SNTG2: variants seen among roughly 807,000 people sequenced by gnomAD.
The protein encoded by SNTG2 is syntrophin gamma 2, also known as gamma-2-syntrophin.
In SNTG2, 74 loss-of-function variants were observed where a neutral mutation model predicts 70.9. The observed-to-expected ratio is 1.04, with a 90% confidence interval of 0.86 to 1.27. The LOEUF is 1.27. SNTG2 is among the 50% of genes most tolerant of loss of function. The pLI is 0.00. For synonymous variants in SNTG2, 278 were observed against 273.8 expected (o/e 1.02, Z -0.15); for missense variants, 717 against 690.7 (o/e 1.04, Z -0.43).
chr2:970,226 G>T (rs1660692591), intron 1 of SNTG2, among the ~76,000 whole-genome samples: 2 of 152,140 alleles, frequency 1.3e-5, no homozygotes, highest in Non-Finnish European at 2.9e-5. Flanking sequence ...TAATTGTGTG[G>T]ATAAGCTTTT....
intron 9 of SNTG2, among the ~76,000 whole-genome samples, chr2:1,234,569 G>C (rs965434348): frequency 5.3e-5 from 8 of 152,194 alleles, no homozygotes; most frequent in Admixed American, 1.3e-4. Flanking sequence ...CCAGCTCAGA[G>C]GTGAGATGTC....
At chr2:1,293,157 C>CTTTTTTTTTTT (rs71400092) in intron 14 of SNTG2, among the ~76,000 whole-genome samples, 6 of 130,964 alleles carry the variant, frequency 4.6e-5, no homozygotes, top group African/African-American at 8.4e-5. Flanking sequence ...TACTCTGTTA[C>CTTTTTTTTTTT]TTTTTTTTTT....
intron 14 of SNTG2, among the ~76,000 whole-genome samples, chr2:1,286,334 A>G (rs1212942346): frequency 1.3e-5 from 2 of 152,196 alleles, no homozygotes; most frequent in African/African-American, 2.4e-5. Flanking sequence ...CAGAGCATAC[A>G]TGGTCTTCTG....
At chr2:1,332,402 A>T (rs141263078) in intron 16 of SNTG2, among the ~76,000 whole-genome samples, 1 of 152,320 alleles carries the variant, frequency 6.6e-6, no homozygotes, top group African/African-American at 2.4e-5. Flanking sequence ...ATAGAGAAAG[A>T]CGGAATCCTC....
chr2:1,047,146 A>G (rs1661785580), intron 1 of SNTG2, among the ~76,000 whole-genome samples: 1 of 152,138 alleles, frequency 6.6e-6, no homozygotes. Flanking sequence ...TCTGCTGTTA[A>G]TACTCCTGAT....
chr2:1,057,467 A>T (rs1217021336), intron 1 of SNTG2, among the ~76,000 whole-genome samples: 2 of 152,178 alleles, frequency 1.3e-5, no homozygotes, highest in South Asian at 4.1e-4. Flanking sequence ...CAAGGAAGCC[A>T]GTTCGAGTCC....
intron 1 of SNTG2, 138 bp from the exon 2 acceptor site, chr2:1,083,380 T>C (rs975568069): frequency 5.7e-6 from 4 of 699,228 alleles, no homozygotes; most frequent in Non-Finnish European, 9.2e-6. Context: ...TCCTTATCGG[T>C]TGAGCACAGA....
intron 1 of SNTG2, among the ~76,000 whole-genome samples, chr2:1,074,835 T>C (rs1663813562): frequency 6.6e-6 from 1 of 152,234 alleles, no homozygotes; most frequent in Admixed American, 6.5e-5. Context: ...TAAACAAGTC[T>C]ATGTTAAGTA....
chr2:1,281,612 C>T (rs964144732), intron 14 of SNTG2, among the ~76,000 whole-genome samples: 12 of 151,826 alleles, frequency 7.9e-5, no homozygotes, highest in African/African-American at 2.9e-4. Context: ...ACACGTGTCC[C>T]GGACAGCAGA....
intron 8 of SNTG2, among the ~76,000 whole-genome samples, chr2:1,194,794 G>A (rs1016984138): frequency 1.3e-5 from 2 of 152,038 alleles, no homozygotes; most frequent in Admixed American, 6.6e-5. Context: ...TTGTTACATA[G>A]GTATACACGT....
chr2:1,186,726 T>A (rs1015591448), intron 8 of SNTG2, among the ~76,000 whole-genome samples: 1 of 152,194 alleles, frequency 6.6e-6, no homozygotes, highest in Non-Finnish European at 1.5e-5. Context: ...TCTGCCCTCA[T>A]GATCTGATCA....
Position 1,367,204 on chromosome 2 carries a change from A to G in SNTG2, c.1489-139A>G, listed in dbSNP as rs9751895. On this transcript the variant is annotated intron_variant, in intron 16 of 16. Coordinates refer to ENST00000308624, the MANE Select transcript of SNTG2 (RefSeq NM_018968.4). ...CATGTTACTCTGCCTTTTACTTTAAACCATACATATTTCCTGTCTATTATT... is the reference window on the plus strand; with the variant it reads ...CATGTTACTCTGCCTTTTACTTTAAGCCATACATATTTCCTGTCTATTATT... 0.022 allele frequency: 17,336 copies of G among 785,442 alleles called. 1,801 individuals carry two copies. In the African/African-American group the frequency reaches 0.25, roughly 11 times the overall value. 48.7% of individuals were successfully genotyped at this position (785,442 alleles called of 1,614,324 possible).
intron 12 of SNTG2, chr2:1,256,563 G>C (rs138127511): frequency 5.3e-5 from 8 of 152,206 alleles, no homozygotes; most frequent in Middle Eastern, 3.5e-3. Flanking sequence ...ATTTTCTAGA[G>C]CTATAACTCG....
At chr2:1,207,749 C>T (rs925221999) in intron 8 of SNTG2, among the ~76,000 whole-genome samples, 1 of 152,154 alleles carries the variant, frequency 6.6e-6, no homozygotes, top group Non-Finnish European at 1.5e-5. Context: ...AACCGCCCCC[C>T]GTCTCCTCTC....
intron 14 of SNTG2, among the ~76,000 whole-genome samples, chr2:1,284,285 T>C (rs1679679281): frequency 6.6e-6 from 1 of 152,238 alleles, no homozygotes; most frequent in South Asian, 2.1e-4. Flanking sequence ...TAGCTTTTAT[T>C]AATTGTTTAC....
At chr2:1,020,689 T>C (rs985627518) in intron 1 of SNTG2, among the ~76,000 whole-genome samples, 11 of 152,220 alleles carry the variant, frequency 7.2e-5, no homozygotes, top group Admixed American at 2.6e-4. Flanking sequence ...TGCTGATTAT[T>C]AAAAATCATT....
intron 16 of SNTG2, among the ~76,000 whole-genome samples, chr2:1,365,656 T>A (rs1211737790): frequency 1.3e-5 from 2 of 152,210 alleles, no homozygotes; most frequent in African/African-American, 4.8e-5. Context: ...GTCACACCAA[T>A]GTAGGCATCT....
intron 16 of SNTG2, among the ~76,000 whole-genome samples, chr2:1,352,066 C>T (rs1422906840): frequency 1.3e-5 from 2 of 152,194 alleles, no homozygotes; most frequent in Non-Finnish European, 2.9e-5. Flanking sequence ...CTGACAGTCC[C>T]TGCACAGCCC....
chr2:1,250,492 T>C (rs1183049537), intron 12 of SNTG2, among the ~76,000 whole-genome samples: 1 of 152,146 alleles, frequency 6.6e-6, no homozygotes, highest in East Asian at 1.9e-4. Context: ...TCTTCCTCTG[T>C]CTGACTCATC....
Sources: allele counts gnomAD v4.1 joint callset (sites outside exome capture counted in the v4.1 genomes callset), GRCh38; gene constraint gnomAD v4.1.1; transcripts MANE v1.5; gene names NCBI Gene and HGNC (gene_info 2026-07-23, HGNC 2026-07-21).